PTPN21: variants seen among roughly 807,000 people sequenced by gnomAD.
PTPN21 encodes tyrosine-protein phosphatase non-receptor type 21.
In PTPN21, 77 loss-of-function variants were observed where a neutral mutation model predicts 131.8. That is an observed-to-expected ratio of 0.58 (90% CI 0.49 to 0.71). PTPN21 has a LOEUF of 0.71. Ranked by LOEUF, PTPN21 falls within the 30% of genes least tolerant of loss-of-function variation. PTPN21 has a pLI of 0.00. For missense variants in PTPN21, 1,552 were observed against 1,527.1 expected, an observed-to-expected ratio of 1.02 and a Z score of -0.27; for synonymous variants, 715 against 621.3, an observed-to-expected ratio of 1.15 and a Z score of -2.24.
chr14:88,518,390 A>G (rs560318612), intron 2 of PTPN21, among the ~76,000 whole-genome samples: 399 of 10,016 alleles, frequency 0.04, 6 homozygotes, highest in African/African-American at 0.085. Flanking sequence ...GTGTGTGTAT[A>G]TATATATATA....
At chr14:88,526,717 C>A (rs1053539082) in intron 2 of PTPN21, among the ~76,000 whole-genome samples, 1 of 151,870 alleles carries the variant, frequency 6.6e-6, no homozygotes, top group Non-Finnish European at 1.5e-5. Context: ...TGAATACATT[C>A]TTTAGTGGTG....
chr14:88,471,888 G>C (rs1280937909), intron 15 of PTPN21, among the ~76,000 whole-genome samples: 1 of 150,698 alleles, frequency 6.6e-6, no homozygotes, highest in Non-Finnish European at 1.5e-5. Context: ...CTGTCTGGGC[G>C]ACAGAGCAAG....
chr14:88,507,829 G>A (rs2078115650), intron 4 of PTPN21, 94 bp downstream of exon 4: 4 of 689,530 alleles, frequency 5.8e-6, no homozygotes, highest in African/African-American at 3.6e-5. Context: ...TACTAAAGAT[G>A]TATATAGATA....
chr14:88,537,222 G>A (rs1330693629), intron 2 of PTPN21, among the ~76,000 whole-genome samples: 1 of 152,132 alleles, frequency 6.6e-6, no homozygotes, highest in Non-Finnish European at 1.5e-5. Context: ...AACTTCTCGT[G>A]TGGCTAGATT....
At chr14:88,545,701 G>A (rs2078766426) in intron 2 of PTPN21, among the ~76,000 whole-genome samples, 1 of 152,124 alleles carries the variant, frequency 6.6e-6, no homozygotes, top group African/African-American at 2.4e-5. Flanking sequence ...TTTGGCTCAC[G>A]CCTGTAATCC....
At chr14:88,542,997 A>G (rs542755622) in intron 2 of PTPN21, among the ~76,000 whole-genome samples, 2 of 152,378 alleles carry the variant, frequency 1.3e-5, no homozygotes, top group South Asian at 4.1e-4. Flanking sequence ...CTTTACATAT[A>G]TATCAGCTAT....
At chr14:88,527,450 T>C (rs558506407) in intron 2 of PTPN21, among the ~76,000 whole-genome samples, 1 of 152,332 alleles carries the variant, frequency 6.6e-6, no homozygotes, top group Non-Finnish European at 1.5e-5. Flanking sequence ...CATTTGTATA[T>C]CTTCTTTTGA....
At chr14:88,522,125 T>C (rs2078403433) in intron 2 of PTPN21, among the ~76,000 whole-genome samples, 1 of 152,070 alleles carries the variant, frequency 6.6e-6, no homozygotes, top group Admixed American at 6.6e-5. Flanking sequence ...TACAAACAGC[T>C]GAAAAGAATG....
intron 10 of PTPN21, among the ~76,000 whole-genome samples, chr14:88,487,965 CAAAAAAA>C (rs535857551): frequency 1.1e-5 from 1 of 92,518 alleles, no homozygotes; most frequent in African/African-American, 3.7e-5. Flanking sequence ...GACTCCATCT[CAAAAAAA>C]AAAAAAAAAA....
chr14:88,489,325 A>G (rs1410792759), intron 10 of PTPN21, among the ~76,000 whole-genome samples: 4 of 152,230 alleles, frequency 2.6e-5, no homozygotes, highest in Non-Finnish European at 5.9e-5. Context: ...GATAAACAAA[A>G]AGATGCCATT....
At chr14:88,554,494 T>G (rs1239303972) in intron 1 of PTPN21, among the ~76,000 whole-genome samples, 157 bp downstream of exon 1, 3 of 152,258 alleles carry the variant, frequency 2.0e-5, no homozygotes, top group African/African-American at 7.2e-5. Flanking sequence ...AACAAGACTT[T>G]TCTCTTTGTT....
intron 3 of PTPN21, chr14:88,512,663 C>T (rs1330421241): frequency 3.3e-5 from 5 of 152,066 alleles, no homozygotes; most frequent in Non-Finnish European, 5.9e-5. Context: ...TCTGCACTGC[C>T]CAATATAGTA....
intron 3 of PTPN21, among the ~76,000 whole-genome samples, chr14:88,510,310 C>CT (rs1310242788): frequency 1.3e-5 from 2 of 152,160 alleles, no homozygotes; most frequent in Admixed American, 6.5e-5. Context: ...TCTTCTTTTG[C>CT]TTTGGCTGCC....
At chr14:88,477,667 T>C (rs960500708) in intron 13 of PTPN21, among the ~76,000 whole-genome samples, 1 of 151,912 alleles carries the variant, frequency 6.6e-6, no homozygotes, top group African/African-American at 2.4e-5. Flanking sequence ...TTAGCAGCGA[T>C]GGGGGGAGGA....
chr14:88,493,377 A>G (rs999397613), intron 10 of PTPN21, among the ~76,000 whole-genome samples: 3 of 152,236 alleles, frequency 2.0e-5, no homozygotes, highest in African/African-American at 7.2e-5. Flanking sequence ...AGAGTCTGTC[A>G]GAGAAGGGAA....
In PTPN21 at chr14:88,469,500, T is replaced by A; in HGVS notation, c.3234A>T (p.Leu1078Phe). ...HGCPEDLKGF[L>F]SYLEEIQSVR... ...CGGAACAAAGTTAAAGTCACTCACA[T>A]AAAAATCCCTTGAGGTCTTCTGGAC... The change falls in exon 17 of 19, where the codon TTA becomes TTT. Residue 1078 changes from leucine to phenylalanine, a missense_variant and splice_region_variant. Leu to Phe is a conservative substitution (Grantham distance 22, BLOSUM62 0). This residue lies in a region of PTPN21 where 316 missense variants were observed against 378.5 expected (regional missense o/e 0.83). Coordinates refer to ENST00000556564, the MANE Select transcript of PTPN21 (RefSeq NM_007039.4). This position sits in a 1 kb window ranked among gnomAD's most constrained non-coding sequence, Gnocchi z 4.3. The A allele has an allele frequency of 6.2e-7, 1 of 1,609,902 alleles. No individual in the cohort carries two copies. Among genetic ancestry groups the A allele is most frequent in the East Asian group, 2.2e-5 (1 of 44,872 alleles).
At chr14:88,546,108 T>C (rs1408438471) in intron 2 of PTPN21, among the ~76,000 whole-genome samples, 4 of 150,426 alleles carry the variant, frequency 2.7e-5, no homozygotes, top group African/African-American at 1.0e-4. Context: ...TTAACCACGT[T>C]GCTTTTAATT....
Position 88,480,013 on chromosome 14 carries a change from C to T in PTPN21, c.1418G>A (p.Arg473Gln), listed in dbSNP as rs1185375048. ...VHAERQSHSL[R>Q]NLNIGSSYAY... is the part of the protein sequence containing the mutation. ...GTACGAGCTGCCGATGTTGAGGTTT[C>T]GCAGCGAGTGGCTCTGCCGTTCCGC... The change falls in exon 13 of 19, where the codon CGA becomes CAA. Residue 473 changes from arginine to glutamine, a missense_variant. Coordinates refer to ENST00000556564, the MANE Select transcript of PTPN21 (RefSeq NM_007039.4). 3 of 1,613,334 alleles carry T rather than the reference C, an allele frequency of 1.9e-6. No individual in the cohort carries two copies. In the Admixed American group the frequency reaches 5.0e-5, roughly 27 times the overall value.
At chr14:88,490,729 G>A (rs2077810641) in intron 10 of PTPN21, among the ~76,000 whole-genome samples, 1 of 152,244 alleles carries the variant, frequency 6.6e-6, no homozygotes, top group African/African-American at 2.4e-5. Flanking sequence ...CAACACCCCT[G>A]AGCTGCAGGG....
Sources: allele counts gnomAD v4.1 joint callset (sites outside exome capture counted in the v4.1 genomes callset), GRCh38; gene constraint gnomAD v4.1.1; regional missense constraint gnomAD v4.1.1; non-coding constraint Gnocchi (gnomAD v3.1); transcripts MANE v1.5; gene names NCBI Gene and HGNC (gene_info 2026-07-23, HGNC 2026-07-21).